RNF38: variants seen among roughly 807,000 people sequenced by gnomAD.
The protein encoded by RNF38 is E3 ubiquitin-protein ligase RNF38.
In RNF38, 15 loss-of-function variants were observed where a neutral mutation model predicts 67.2. The ratio of observed to expected loss-of-function variants is 0.22; its 90% confidence interval spans 0.15 to 0.34. RNF38 has a LOEUF of 0.34. Among genes scored for constraint, RNF38 ranks in the 10% least tolerant of loss-of-function variants. RNF38 has a pLI of 1.00. For synonymous variants in RNF38, 220 were observed against 218.8 expected (o/e 1.01, Z -0.05); for missense variants, 524 against 639.9 (o/e 0.82, Z 1.95).
rs138876891 is a variant in RNF38 at position 36,370,454 on chromosome 9, C to T, written c.357-522G>A. Among the ~76,000 whole-genome samples, 575 of 152,154 alleles carry T rather than the reference C, an allele frequency of 3.8e-3. 4 individuals are homozygous for T. Among genetic ancestry groups the T allele is most frequent in the Non-Finnish European group, 7.1e-3 (485 of 67,990 alleles). On this transcript the variant is annotated intron_variant, in intron 3 of 11. Coordinates refer to ENST00000259605, the MANE Select transcript of RNF38 (RefSeq NM_022781.5). The stretch of plus-strand genomic sequence containing the variant: ...AAATAACCAAAGAACATATAATTTG[C>T]TGACAACCGCAAATAGAAACTGGGT...
intron 1 of RNF38, among the ~76,000 whole-genome samples, chr9:36,439,803 A>AC (rs1839153528): frequency 6.6e-6 from 1 of 151,914 alleles, no homozygotes; most frequent in Non-Finnish European, 1.5e-5. Context: ...AAAAAAAAAA[A>AC]AAAAAAAACT....
At chr9:36,409,341 G>A (rs1838265142) in intron 2 of RNF38, among the ~76,000 whole-genome samples, 1 of 150,904 alleles carries the variant, frequency 6.6e-6, no homozygotes, top group Non-Finnish European at 1.5e-5. Flanking sequence ...AAGAAAGAAA[G>A]AAAGAAAAAA....
intron 2 of RNF38, among the ~76,000 whole-genome samples, chr9:36,415,422 GTT>G (rs200398811): frequency 2.6e-5 from 4 of 151,212 alleles, no homozygotes; most frequent in Admixed American, 2.0e-4. Flanking sequence ...TCCGTATCTT[GTT>G]TTTTTTGTTT....
At chr9:36,411,887 C>T (rs988529542) in intron 2 of RNF38, among the ~76,000 whole-genome samples, 2 of 152,150 alleles carry the variant, frequency 1.3e-5, no homozygotes, top group South Asian at 4.1e-4. Context: ...GAGTATTATT[C>T]GCCTTATAAA....
chr9:36,417,562 A>AG (rs1376904121), intron 2 of RNF38, among the ~76,000 whole-genome samples: 1 of 152,170 alleles, frequency 6.6e-6, no homozygotes, highest in Non-Finnish European at 1.5e-5. Flanking sequence ...CCCAGGCGGG[A>AG]GTGCAGTGGT....
chr9:36,370,794 G>A (rs1835318010), intron 3 of RNF38, among the ~76,000 whole-genome samples: 1 of 152,034 alleles, frequency 6.6e-6, no homozygotes, highest in Admixed American at 6.6e-5. Context: ...TATAGTCCCA[G>A]CTACCTGGGA....
In RNF38 at chr9:36,400,221, C is replaced by A; in HGVS notation, c.-113G>T. ...ACCCTGAAAGGAAGAACTTGCATCC[C>A]CTGAGAACAAAACGCAGCCTATCCA... On this transcript the variant is annotated 5_prime_UTR_variant, in exon 1 of 12. Transcript: ENST00000259605. 1 of 1,485,914 alleles carries A rather than the reference C, an allele frequency of 6.7e-7. No individual in the cohort carries two copies. The highest frequency in any genetic ancestry group is 1.3e-5 in the South Asian group (1 of 75,270). The allele number at this position is 1,485,914 out of a possible 1,614,324, so 92.0% of individuals were successfully genotyped here.
intron 7 of RNF38, 22 bp downstream of exon 7, chr9:36,353,148 A>C: frequency 6.2e-7 from 1 of 1,603,848 alleles, no homozygotes; most frequent in Admixed American, 1.7e-5. Context: ...AGTAATTAAC[A>C]TAGTACTCTG....
intron 9 of RNF38, among the ~76,000 whole-genome samples, chr9:36,345,712 A>G (rs1311658591): frequency 2.0e-5 from 3 of 152,244 alleles, no homozygotes; most frequent in Non-Finnish European, 4.4e-5. Flanking sequence ...CTTTGTTTTC[A>G]ATTCAAAACT....
In RNF38 at chr9:36,338,611, AACACAGAACACATATGAGAAGTC is replaced by A. The variant is rs1424000860; in HGVS notation, c.*1118_*1140del. 1 of 152,304 alleles carries A rather than the reference AACACAGAACACATATGAGAAGTC, an allele frequency of 6.6e-6. No individual in the cohort carries two copies. The highest frequency in any genetic ancestry group is 1.5e-5 in the Non-Finnish European group (1 of 68,030). 9.4% of individuals were successfully genotyped at this position (152,304 alleles called of 1,614,324 possible). Reference sequence around the variant, plus strand: ...CAATTGAGTTGCCCACAGGAGCTTGAACACAGAACACATATGAGAAGTCAAGCTGAATTAACAGGTTTTGTTCT... The same window carrying A: ...CAATTGAGTTGCCCACAGGAGCTTGAAAGCTGAATTAACAGGTTTTGTTCT... On this transcript the variant is annotated 3_prime_UTR_variant, in exon 12 of 12. Transcript: ENST00000259605.
At chr9:36,383,825 C>T (rs1252665344) in intron 2 of RNF38, among the ~76,000 whole-genome samples, 1 of 150,904 alleles carries the variant, frequency 6.6e-6, no homozygotes. Context: ...TTTTTTAAAC[C>T]GAAGCCCAAA....
rs1835243436 is a variant in RNF38 at position 36,369,826 on chromosome 9, T to C, written c.463A>G (p.Ile155Val). The C allele has an allele frequency of 1.9e-6, 3 of 1,613,846 alleles. No homozygotes were observed. The highest frequency in any genetic ancestry group is 2.2e-5 in the East Asian group (1 of 44,878). ...GGGTGGAAGGCTCGAGGCTCCTCTA[T>C]TGCTTGCTGCTGTGCGTAAGGGAGA... ...HHLPYAQQQA[I>V]EEPRAFHPPN... Residue 155 changes from isoleucine (I) to valine (V), a missense_variant, in exon 4 of 12, where the codon ATA (isoleucine) becomes GTA (valine). By Grantham distance (29) the Ile-to-Val change is conservative. Around this residue, in one of 2 missense-constraint regions of RNF38, gnomAD observed 461 missense variants for 517.4 expected, o/e 0.89. Transcript: ENST00000259605.
At chr9:36,379,380 C>T (rs139741556) in intron 2 of RNF38, among the ~76,000 whole-genome samples, 2 of 152,120 alleles carry the variant, frequency 1.3e-5, no homozygotes, top group Non-Finnish European at 2.9e-5. Flanking sequence ...TAGTAACCTA[C>T]AAAGAAATAA....
At chr9:36,419,864 A>T (rs1177999425) in intron 2 of RNF38, among the ~76,000 whole-genome samples, 2 of 152,132 alleles carry the variant, frequency 1.3e-5, no homozygotes, top group Non-Finnish European at 2.9e-5. Context: ...TGAACCTGAC[A>T]CAGGGTAGGG....
rs374740841 is a variant in RNF38, at chr9:36,356,330, G to T, written c.882C>A (p.Val294=). The T allele has an allele frequency of 5.9e-5, 96 of 1,613,904 alleles. No individual in the cohort carries two copies. The highest frequency in any genetic ancestry group is 7.6e-5 in the Non-Finnish European group (90 of 1,180,004). ...ATCGTGATTGCTGTGTTTGGAAAGG[G>T]ACAAACTGGCCTGGTGGTGGCAAAT... is the stretch of plus-strand genomic sequence containing the variant. ...PPHLPPPGQF[V]PFQTQQSRSP... is the part of the protein sequence containing the mutation. The change falls in exon 6 of 12, where the codon GTC becomes GTA. Residue 294 remains valine, a synonymous_variant. Transcript: ENST00000259605.
chr9:36,389,355 A>C (rs76649233), intron 2 of RNF38, among the ~76,000 whole-genome samples: 3 of 145,812 alleles, frequency 2.1e-5, no homozygotes, highest in Non-Finnish European at 4.7e-5. Flanking sequence ...AAAAAAAAAA[A>C]AAAAACCCTT....
intron 2 of RNF38, among the ~76,000 whole-genome samples, chr9:36,409,512 G>T (rs2134192100): frequency 6.6e-6 from 1 of 152,276 alleles, no homozygotes; most frequent in South Asian, 2.1e-4. Context: ...CAGACTGCCT[G>T]AACGTCTTAC....
chr9:36,392,115 G>A (rs1426057692), intron 1 of RNF38, among the ~76,000 whole-genome samples: 1 of 152,092 alleles, frequency 6.6e-6, no homozygotes, highest in Non-Finnish European at 1.5e-5. Context: ...AAAATGAAAT[G>A]CTATTAATAT....
At chr9:36,399,325 A>T (rs917336332) in intron 1 of RNF38, among the ~76,000 whole-genome samples, 7 of 152,108 alleles carry the variant, frequency 4.6e-5, no homozygotes, top group Non-Finnish European at 1.0e-4. Context: ...CCTGAGGCCC[A>T]CATGACGAGT....
Sources: gnomAD v4.1 joint callset for allele counts (sites outside exome capture counted in the v4.1 genomes callset) on GRCh38, gnomAD v4.1.1 for gene constraint, gnomAD v4.1.1 regional missense constraint, MANE v1.5 for transcripts, NCBI Gene and HGNC (gene_info 2026-07-23, HGNC 2026-07-21) for gene names.